FRMD6: variants seen among roughly 807,000 people sequenced by gnomAD.
FRMD6 encodes the protein FERM domain containing 6.
In FRMD6, 37 loss-of-function variants were observed where a neutral mutation model predicts 73.2. That is an observed-to-expected ratio of 0.51 (90% CI 0.39 to 0.66). FRMD6 has a LOEUF of 0.66. Ranked by LOEUF, FRMD6 falls within the 30% of genes least tolerant of loss-of-function variation. The pLI is 0.00. For synonymous variants in FRMD6, 273 were observed against 282.2 expected, an observed-to-expected ratio of 0.97 and a Z score of 0.33; for missense variants, 714 against 780.5, an observed-to-expected ratio of 0.91 and a Z score of 1.02.
chr14:51,419,304 C>T, the FRMD6 span, among the ~76,000 whole-genome samples: 2 of 152,154 alleles, frequency 1.3e-5, no homozygotes, highest in Admixed American at 6.5e-5. Context: ...CCTATTTGGC[C>T]ATCTTGGACT....
chr14:51,461,043 A>T, the FRMD6 span, among the ~76,000 whole-genome samples: 5 of 152,344 alleles, frequency 3.3e-5, no homozygotes, highest in East Asian at 7.7e-4. Flanking sequence ...TTATAGATCC[A>T]AAGAGCCACA....
intron 1 of FRMD6, among the ~76,000 whole-genome samples, chr14:51,653,558 A>G (rs889161634): frequency 6.6e-6 from 1 of 152,000 alleles, no homozygotes; most frequent in African/African-American, 2.4e-5. Flanking sequence ...TTTTTTTTAG[A>G]ATTTAGAGCA....
chr14:51,497,375 T>G (rs1883366083), intron 1 of FRMD6, among the ~76,000 whole-genome samples: 1 of 152,142 alleles, frequency 6.6e-6, no homozygotes, highest in Admixed American at 6.6e-5. Context: ...TTCTTCAATC[T>G]GATACAACTC....
chr14:51,514,070 C>G (rs1187695065), intron 1 of FRMD6, among the ~76,000 whole-genome samples: 6 of 152,186 alleles, frequency 3.9e-5, no homozygotes, highest in Non-Finnish European at 8.8e-5. Flanking sequence ...ATGGAAGGTG[C>G]TCAATAAGTG....
chr14:51,694,301 G>A (rs1259564879), intron 2 of FRMD6, among the ~76,000 whole-genome samples: 3 of 152,186 alleles, frequency 2.0e-5, no homozygotes, highest in Non-Finnish European at 2.9e-5. Flanking sequence ...TCTTCACTAA[G>A]ATTAAGCAAT....
Position 51,728,283 on chromosome 14 carries a change from G to A in FRMD6, c.*254G>A, listed in dbSNP as rs1160673432. 34 of 434,152 alleles carry A rather than the reference G, an allele frequency of 7.8e-5. 1 individual carries two copies. The South Asian group carries it at 1.3e-3, about 17-fold the overall frequency. 26.9% of individuals were successfully genotyped at this position (434,152 alleles called of 1,614,324 possible). On this transcript the variant is annotated 3_prime_UTR_variant, in exon 14 of 14. Coordinates refer to ENST00000344768, the MANE Select transcript of FRMD6 (RefSeq NM_001267046.2). ...TCACTGATCCTTCAGAAGGAAATGC[G>A]CTTTACTGATTGCAAAGCCTTCAGA...
intron 2 of FRMD6, among the ~76,000 whole-genome samples, chr14:51,599,056 G>GTTTTTTTTTTTTTT (rs778270230): frequency 2.9e-5 from 2 of 69,562 alleles, no homozygotes; most frequent in Admixed American, 1.9e-4. Context: ...GCCAGTATCT[G>GTTTTTTTTTTTTTT]TCTTTTTTTT....
At chr14:51,569,145 C>G (rs1887957704) in intron 1 of FRMD6, among the ~76,000 whole-genome samples, 1 of 152,188 alleles carries the variant, frequency 6.6e-6, no homozygotes, top group Admixed American at 6.5e-5. Flanking sequence ...TGTGCCCAGC[C>G]AGAAAGGCTT....
intron 2 of FRMD6, among the ~76,000 whole-genome samples, chr14:51,623,198 G>A (rs1298338684): frequency 1.3e-5 from 2 of 152,190 alleles, no homozygotes. Flanking sequence ...ATGTGAGAAA[G>A]GAATAGGTGG....
At chr14:51,449,144 C>T in the FRMD6 span, among the ~76,000 whole-genome samples, 1 of 152,184 alleles carries the variant, frequency 6.6e-6, no homozygotes, top group Non-Finnish European at 1.5e-5. Context: ...CTGGTGGCCA[C>T]AGTCATGCAC....
intron 2 of FRMD6, among the ~76,000 whole-genome samples, chr14:51,611,187 G>A (rs558965401): frequency 2.0e-5 from 3 of 152,270 alleles, no homozygotes; most frequent in Non-Finnish European, 4.4e-5. Context: ...CTAGGGAGGA[G>A]CAGAAAGGAA....
chr14:51,451,842 C>T, the FRMD6 span, among the ~76,000 whole-genome samples: 139,587 of 152,338 alleles, frequency 0.92, 64,181 homozygotes, highest in African/African-American at 0.94. Context: ...CCATTTTTCC[C>T]GTACAACCTG....
At chr14:51,413,030 C>T in the FRMD6 span, among the ~76,000 whole-genome samples, 2 of 141,016 alleles carry the variant, frequency 1.4e-5, no homozygotes, top group Non-Finnish European at 1.5e-5. Flanking sequence ...CTCTCTCTGT[C>T]GCCAGGCTGG....
chr14:51,405,601 G>A, the FRMD6 span, among the ~76,000 whole-genome samples: 1 of 151,480 alleles, frequency 6.6e-6, no homozygotes, highest in African/African-American at 2.4e-5. Flanking sequence ...TTTGTTTACC[G>A]CATGTATGTC....
In FRMD6 at chr14:51,670,707, G is replaced by A. The variant is rs184860379; in HGVS notation, c.-147+18711G>A. Among the ~76,000 whole-genome samples the A allele has an allele frequency of 6.4e-4, 97 of 150,890 alleles. 2 individuals carry two copies. The East Asian group carries it at 0.014, about 22-fold the overall frequency. On this transcript the variant is annotated intron_variant, in intron 1 of 13. Transcript: ENST00000344768. Reference sequence around the variant, plus strand: ...GTCACCTAGGCTGGAGTGCAGTGGCGCAGTCTTGGCTCACTGCAACCTCCA... The same window carrying A: ...GTCACCTAGGCTGGAGTGCAGTGGCACAGTCTTGGCTCACTGCAACCTCCA...
At chr14:51,721,525 G>A (rs926984279) in intron 11 of FRMD6, among the ~76,000 whole-genome samples, 2 of 152,086 alleles carry the variant, frequency 1.3e-5, no homozygotes, top group South Asian at 2.1e-4. Flanking sequence ...CAGGAGAATC[G>A]CTTGAACCCA....
chr14:51,688,143 A>G (rs1206231111), intron 1 of FRMD6, among the ~76,000 whole-genome samples: 2 of 151,792 alleles, frequency 1.3e-5, no homozygotes, highest in Non-Finnish European at 2.9e-5. Flanking sequence ...ATGGATGAGT[A>G]GCTTGGGGCA....
At chr14:51,643,293 G>A (rs763787034) in intron 2 of FRMD6, among the ~76,000 whole-genome samples, 8 of 152,150 alleles carry the variant, frequency 5.3e-5, no homozygotes, top group Non-Finnish European at 1.0e-4. Flanking sequence ...AGGAACCTGT[G>A]GAGAGTCATA....
intron 1 of FRMD6, among the ~76,000 whole-genome samples, chr14:51,658,809 A>G (rs913086711): frequency 1.3e-5 from 2 of 152,244 alleles, no homozygotes; most frequent in African/African-American, 2.4e-5. Flanking sequence ...TCCCTAAAGA[A>G]TAAAGGACAG....
Sources: allele counts gnomAD v4.1 joint callset (sites outside exome capture counted in the v4.1 genomes callset), GRCh38; gene constraint gnomAD v4.1.1; transcripts MANE v1.5; gene names NCBI Gene and HGNC (gene_info 2026-07-23, HGNC 2026-07-21).